The following PDK3 variants were observed in gnomAD, a reference collection of about 807,000 sequenced individuals.
The protein encoded by PDK3 is pyruvate dehydrogenase kinase 3.
A neutral mutation model predicts 32.0 loss-of-function variants in PDK3; 12 were observed. That is an observed-to-expected ratio of 0.37 (90% CI 0.24 to 0.61). The LOEUF (loss-of-function observed/expected upper bound fraction) is 0.61. PDK3 is among the 20% of genes least tolerant of loss of function. The pLI is 0.65. For missense variants in PDK3, 188 were observed against 316.9 expected (o/e 0.59, Z 3.09); for synonymous variants, 122 against 116.3 (o/e 1.05, Z -0.31).
chrX:24,480,561 T>C (rs1921228812), intron 1 of PDK3, among the ~76,000 whole-genome samples: 2 of 112,089 alleles, frequency 1.8e-5, no homozygotes, highest in African/African-American at 3.2e-5. Context: ...CCCAGGCGAT[T>C]GTGTAATAAT....
chrX:24,524,619 T>C (rs1016546537), intron 6 of PDK3, among the ~76,000 whole-genome samples: 2 of 111,799 alleles, frequency 1.8e-5, no homozygotes, highest in Admixed American at 1.9e-4. Context: ...TACATAGTTA[T>C]AATGTCACCA....
chrX:24,480,141 C>T (rs747315276), intron 1 of PDK3, among the ~76,000 whole-genome samples: 19 of 111,681 alleles, frequency 1.7e-4, no homozygotes, highest in Middle Eastern at 4.6e-3. Flanking sequence ...GAAGCACAGC[C>T]GTTTCCTTCT....
exon 12 of PDK3, chrX:24,546,983 T>G (rs1220269532): frequency 8.9e-6 from 1 of 112,683 alleles, no homozygotes; most frequent in Admixed American, 9.4e-5. Context: ...TAATGCATCC[T>G]GTATGTGCAT....
In PDK3 at chrX:24,540,889, C is replaced by CTTTTT. The variant is rs369307335; in HGVS notation, c.*1759_*1763dup. ...CTTTACATGCAAAGACCCTAGCTTC[C>CTTTTT]TTTTTTTTTTTTTTTTTTTTTTTTT... On this transcript the variant is annotated 3_prime_UTR_variant, in exon 12 of 12. Coordinates refer to the PDK3 transcript ENST00000568479. Among the ~76,000 whole-genome samples the CTTTTT allele has an allele frequency of 1.1e-4, 4 of 36,680 alleles. 1 individual carries two copies. Among genetic ancestry groups the CTTTTT allele is most frequent in the Non-Finnish European group, 1.6e-4 (4 of 24,652 alleles). 31.9% of individuals were successfully genotyped at this position (36,680 alleles called of 115,157 possible). A position where few individuals can be genotyped will look rare whatever the true frequency, so the allele number is the denominator to read the frequency against.
chrX:24,502,608 G>A (rs184486532), intron 3 of PDK3, among the ~76,000 whole-genome samples: 1 of 111,962 alleles, frequency 8.9e-6, no homozygotes, highest in African/African-American at 3.2e-5. Context: ...CACTTTAGGA[G>A]GCTGAGGTGG....
downstream of PDK3, among the ~76,000 whole-genome samples, chrX:24,534,910 T>C (rs939609343): frequency 8.9e-6 from 1 of 112,338 alleles, no homozygotes; most frequent in Non-Finnish European, 1.9e-5. Context: ...TGAGCTATGA[T>C]TCGCACCACT....
chrX:24,530,940 C>T (rs1317031013), intron 9 of PDK3, among the ~76,000 whole-genome samples: 2 of 111,738 alleles, frequency 1.8e-5, no homozygotes, highest in African/African-American at 3.3e-5. Flanking sequence ...CTCAGCACTG[C>T]GCTATTGATT....
At chrX:24,501,881 G>A (rs1921867169) in intron 3 of PDK3, among the ~76,000 whole-genome samples, 1 of 112,308 alleles carries the variant, frequency 8.9e-6, no homozygotes, top group African/African-American at 3.2e-5. Context: ...GATACGTGGA[G>A]AATAATAAGT....
At chrX:24,542,858 A>G (rs1161680958) in exon 12 of PDK3, among the ~76,000 whole-genome samples, 1 of 112,258 alleles carries the variant, frequency 8.9e-6, no homozygotes, top group East Asian at 2.8e-4. Flanking sequence ...GTTTTCTTGC[A>G]TATTTACAAA....
intron 1 of PDK3, among the ~76,000 whole-genome samples, chrX:24,494,336 G>A (rs917107642): frequency 1.8e-5 from 2 of 112,081 alleles, no homozygotes; most frequent in Non-Finnish European, 3.8e-5. Context: ...GTAAATAATT[G>A]TGAAATGAAT....
At chrX:24,502,598 C>T (rs1192809177) in intron 3 of PDK3, among the ~76,000 whole-genome samples, 1 of 111,885 alleles carries the variant, frequency 8.9e-6, no homozygotes, top group Non-Finnish European at 1.9e-5. Context: ...CTGTATGAGA[C>T]ACTTTAGGAG....
chrX:24,473,677 T>A (rs1448410371), intron 1 of PDK3, among the ~76,000 whole-genome samples: 1 of 110,494 alleles, frequency 9.1e-6, no homozygotes, highest in Non-Finnish European at 1.9e-5. Context: ...CCTTAGGTGA[T>A]CTACCCGCCT....
intron 3 of PDK3, among the ~76,000 whole-genome samples, chrX:24,501,721 T>TAAAC (rs962074729): frequency 1.8e-5 from 2 of 112,156 alleles, no homozygotes; most frequent in Non-Finnish European, 3.8e-5. Flanking sequence ...CATAAATAAA[T>TAAAC]AAACAAACAA....
At chrX:24,527,352 G>A (rs761380915) in intron 7 of PDK3, among the ~76,000 whole-genome samples, 3 of 110,002 alleles carry the variant, frequency 2.7e-5, no homozygotes, top group Non-Finnish European at 3.8e-5. Flanking sequence ...TTAGCATGTT[G>A]GATGAGGCTA....
At chrX:24,492,668 G>GT (rs1569221025) in intron 1 of PDK3, among the ~76,000 whole-genome samples, 3 of 110,844 alleles carry the variant, frequency 2.7e-5, no homozygotes, top group Admixed American at 9.6e-5. Context: ...AAGTTGAACT[G>GT]TTTTAAGTTG....
chrX:24,481,415 G>A (rs931106401), intron 1 of PDK3, among the ~76,000 whole-genome samples: 2 of 111,923 alleles, frequency 1.8e-5, no homozygotes, highest in Non-Finnish European at 3.8e-5. Context: ...TATATTAGTA[G>A]GCAAGGTTAG....
chrX:24,508,275 G>T (rs1164357190), intron 5 of PDK3, among the ~76,000 whole-genome samples: 1 of 110,912 alleles, frequency 9.0e-6, no homozygotes, highest in Non-Finnish European at 1.9e-5. Flanking sequence ...ACTATCATGA[G>T]AACAGCAAGG....
intron 7 of PDK3, among the ~76,000 whole-genome samples, chrX:24,526,962 T>C (rs1368782858): frequency 8.9e-6 from 1 of 112,648 alleles, no homozygotes; most frequent in Non-Finnish European, 1.9e-5. Flanking sequence ...AAATCAGTTA[T>C]GCTGATTTGC....
chrX:24,543,107 C>T (rs189323623), exon 12 of PDK3, among the ~76,000 whole-genome samples: 4 of 112,192 alleles, frequency 3.6e-5, no homozygotes, highest in African/African-American at 6.5e-5. Flanking sequence ...TTAGTAACTT[C>T]GTTGGAGTAT....
Sources: allele counts gnomAD v4.1 joint callset (sites outside exome capture counted in the v4.1 genomes callset), GRCh38; gene constraint gnomAD v4.1.1; transcripts MANE v1.5; gene names NCBI Gene and HGNC (gene_info 2026-07-23, HGNC 2026-07-21).